Variants in POC1A observed in about 807,000 individuals in gnomAD.
The protein encoded by POC1A is POC1 centriolar protein A, also known as POC1 centriolar protein homolog A.
POC1A carries 34 observed loss-of-function variants against 47.8 expected under a neutral mutation model. The observed-to-expected ratio is 0.71, with a 90% CI of 0.54 to 0.95. The LOEUF (loss-of-function observed/expected upper bound fraction) is 0.95, where lower values mean the gene tolerates loss of function less well. POC1A is among the 40% of genes least tolerant of loss of function. The pLI is 0.00. For missense variants in POC1A, 466 were observed against 528.3 expected (o/e 0.88, Z 1.16); for synonymous variants, 177 against 207.6 (o/e 0.85, Z 1.27).
At chr3:52,140,360 A>AC (rs549977542) in intron 6 of POC1A, among the ~76,000 whole-genome samples, 102 of 150,884 alleles carry the variant, frequency 6.8e-4, no homozygotes, top group African/African-American at 1.5e-3. Context: ...GAATTCAGAG[A>AC]CCCCCCCACC....
Position 52,084,083 on chromosome 3 carries a change from G to A in POC1A, c.1126-8098C>T, listed in dbSNP as rs1702384182. Among the ~76,000 whole-genome samples, 1 of 152,210 alleles carries A rather than the reference G, an allele frequency of 6.6e-6. No individual in the cohort carries two copies. Among genetic ancestry groups the A allele is most frequent in the Non-Finnish European group, 1.5e-5 (1 of 68,036 alleles). On this transcript the variant is annotated intron_variant, in intron 10 of 10. Coordinates refer to ENST00000296484, the MANE Select transcript of POC1A (RefSeq NM_015426.5). This position sits in a 1 kb window ranked among gnomAD's most constrained non-coding sequence, Gnocchi z 4.3. ...GCCAGGGAGGATGCTGCTCCCACGT[G>A]CCTGTGGCCAGTTTGTAGAACGCTG...
rs2276835 is a variant in POC1A, at chr3:52,096,871, A to C, written c.982-159T>G. 1.0e-3 allele frequency among the ~76,000 whole-genome samples: 154 copies of C among 152,378 alleles called. 1 individual carries two copies. In the East Asian group the frequency reaches 0.026, roughly 26 times the overall value. On this transcript the variant is annotated intron_variant, in intron 9 of 10. Transcript: ENST00000296484. ...GAAACAGCAGCGTGGCGGTGTTCCC[A>C]CATCTGGGTCCACACACATACCTTT...
At chr3:52,124,600 C>T (rs142204812) in intron 8 of POC1A, among the ~76,000 whole-genome samples, 3 of 152,298 alleles carry the variant, frequency 2.0e-5, no homozygotes, top group Admixed American at 6.5e-5. Flanking sequence ...GTGAGACAGG[C>T]CCCAGTACCT....
At chr3:52,143,771 G>C (rs949488160) in intron 6 of POC1A, among the ~76,000 whole-genome samples, 1 of 152,172 alleles carries the variant, frequency 6.6e-6, no homozygotes, top group African/African-American at 2.4e-5. Context: ...ACCCCAGCAG[G>C]CTCTGGACAC....
rs941406258 is a variant in POC1A, at chr3:52,138,275, G to C, written c.707C>G (p.Ser236Cys). ...CAGGTAGTTTCCCGACGGGTGGAAA[G>C]AGAGCCCGTTCACTGCTGCACTGTG... ...QLHSAAVNGL[S>C]FHPSGNYLIT... The change falls in exon 7 of 11, where the codon TCT becomes TGT. Residue 236 changes from serine (S) to cysteine (C), a missense_variant. Ser to Cys is a moderately radical substitution (Grantham distance 112). Transcript: ENST00000296484. 1.2e-6 allele frequency: 2 copies of C among 1,613,628 alleles called. No individual in the cohort carries two copies. Among genetic ancestry groups the C allele is most frequent in the African/African-American group, 2.7e-5 (2 of 74,934 alleles).
intron 10 of POC1A, among the ~76,000 whole-genome samples, chr3:52,092,921 C>A (rs1702690587): frequency 6.6e-6 from 1 of 152,194 alleles, no homozygotes; most frequent in South Asian, 2.1e-4. Flanking sequence ...GCCCCACTTG[C>A]TGGCTTGCTC....
intron 9 of POC1A, among the ~76,000 whole-genome samples, chr3:52,120,245 T>C (rs892716324): frequency 1.4e-4 from 3 of 21,104 alleles, no homozygotes; most frequent in African/African-American, 2.8e-4. Context: ...AATGGTAAAC[T>C]TTGTGTTATA....
chr3:52,122,019 T>C (rs1403578653), intron 9 of POC1A, among the ~76,000 whole-genome samples: 1 of 152,184 alleles, frequency 6.6e-6, no homozygotes, highest in Non-Finnish European at 1.5e-5. Context: ...CTGAACCCTC[T>C]AGGAGCCCCA....
rs116989566 is a variant in POC1A, at chr3:52,104,043, G to A, written c.982-7331C>T. Among the ~76,000 whole-genome samples, 163 of 152,252 alleles carry A rather than the reference G, an allele frequency of 1.1e-3. 3 individuals carry two copies. In the East Asian group the frequency reaches 0.026, roughly 24 times the overall value. The stretch of plus-strand genomic sequence containing the variant: ...TCCATAGAAAAATATGTACATGAAC[G>A]TTCATGGCAGCTTTATTTATAATAG... On this transcript the variant is annotated intron_variant, in intron 9 of 10. Coordinates refer to ENST00000296484, the MANE Select transcript of POC1A (RefSeq NM_015426.5).
intron 9 of POC1A, among the ~76,000 whole-genome samples, chr3:52,114,237 T>C (rs1490964789): frequency 6.6e-6 from 1 of 152,216 alleles, no homozygotes; most frequent in Admixed American, 6.5e-5. Context: ...GACATGCTTG[T>C]AAGCTGCCTT....
rs900855135 is a variant in POC1A, at chr3:52,096,564, C to A, written c.1125+5G>T. 6.4e-7 allele frequency: 1 copy of A among 1,562,940 alleles called. No homozygotes were observed. Among genetic ancestry groups the A allele is most frequent in the Non-Finnish European group, 8.6e-7 (1 of 1,156,616 alleles). On this transcript the variant is annotated splice_donor_5th_base_variant and intron_variant, in intron 10 of 10. Coordinates refer to ENST00000296484, the MANE Select transcript of POC1A (RefSeq NM_015426.5). Reference sequence around the variant, plus strand: ...GATGACGGGTGAACCCACAGTGTGGCCTACCTGAGTGAGGACATCCAGCTG... The same window carrying A: ...GATGACGGGTGAACCCACAGTGTGGACTACCTGAGTGAGGACATCCAGCTG...
At chr3:52,138,950 C>T (rs1698088343) in intron 6 of POC1A, among the ~76,000 whole-genome samples, 2 of 152,210 alleles carry the variant, frequency 1.3e-5, no homozygotes, top group Admixed American at 1.3e-4. Context: ...TCTCCTGCCT[C>T]AGCCTCCTGA....
intron 5 of POC1A, among the ~76,000 whole-genome samples, chr3:52,146,715 G>A (rs1698376913): frequency 6.6e-6 from 1 of 152,242 alleles, no homozygotes; most frequent in Non-Finnish European, 1.5e-5. Context: ...GAGAAAAAGA[G>A]GAGCACAAAT....
intron 10 of POC1A, among the ~76,000 whole-genome samples, chr3:52,077,613 G>A (rs574036089): frequency 6.6e-6 from 1 of 152,366 alleles, no homozygotes; most frequent in East Asian, 1.9e-4. Flanking sequence ...AGCCGGGGAG[G>A]GGGTCTGCAG....
At chr3:52,119,763 A>G (rs1033587231) in intron 9 of POC1A, among the ~76,000 whole-genome samples, 46 of 152,176 alleles carry the variant, frequency 3.0e-4, no homozygotes, top group African/African-American at 1.1e-3. Flanking sequence ...GCATCTAGTG[A>G]GTAAAGGCCA....
chr3:52,115,928 T>C (rs140139803), intron 9 of POC1A, among the ~76,000 whole-genome samples: 62 of 152,288 alleles, frequency 4.1e-4, no homozygotes, highest in African/African-American at 1.4e-3. Flanking sequence ...ATAATGTACA[T>C]TATTTGGGTG....
In POC1A at chr3:52,146,977, T is replaced by G. The variant is rs753459924; in HGVS notation, c.563+11A>C. The G allele has an allele frequency of 1.2e-6, 2 of 1,607,222 alleles. No individual in the cohort carries two copies. The highest frequency in any genetic ancestry group is 1.7e-6 in the Non-Finnish European group (2 of 1,173,748). On this transcript the variant is annotated intron_variant, in intron 5 of 10. Transcript: ENST00000296484. ...GCGCCTACAGGTGGAGGACAGCATC[T>G]GGGGACTCACCCGCCATGCTCACAA...
rs866791412 is a variant in POC1A, at chr3:52,101,082, A to C, written c.982-4370T>G. The stretch of plus-strand genomic sequence containing the variant: ...GGTCAAGACAACAGGGCCCACCCCA[A>C]CCCTCAGCAAAAAAAAAAAAAAAAA... On this transcript the variant is annotated intron_variant, in intron 9 of 10. Coordinates refer to ENST00000296484, the MANE Select transcript of POC1A (RefSeq NM_015426.5). Among the ~76,000 whole-genome samples, 238 of 136,716 alleles carry C rather than the reference A, an allele frequency of 1.7e-3. 1 individual carries two copies. The highest frequency in any genetic ancestry group is 6.4e-3 in the African/African-American group (225 of 35,220). The allele number at this position is 136,716 out of a possible 152,430, so 89.7% of individuals were successfully genotyped here. A position where few individuals can be genotyped will look rare whatever the true frequency, so the allele number is the denominator to read the frequency against.
chr3:52,104,477 TATAAAGCCGG>T, intron 9 of POC1A, among the ~76,000 whole-genome samples: 1 of 152,184 alleles, frequency 6.6e-6, no homozygotes, highest in Non-Finnish European at 1.5e-5. Context: ...ATTCGTAAAT[TATAAAGCCGG>T]ACTGAAAACA....
Sources: allele counts gnomAD v4.1 joint callset (sites outside exome capture counted in the v4.1 genomes callset), GRCh38; gene constraint gnomAD v4.1.1; non-coding constraint Gnocchi (gnomAD v3.1); transcripts MANE v1.5; gene names NCBI Gene and HGNC (gene_info 2026-07-23, HGNC 2026-07-21).